Variants in BCAS3 observed in about 807,000 individuals in gnomAD.
The protein encoded by BCAS3 is BCAS3 microtubule associated cell migration factor, also known as BCAS4/BCAS3 fusion.
BCAS3 carries 53 observed loss-of-function variants against 116.1 expected under a neutral mutation model. That is an observed-to-expected ratio of 0.46 (90% CI 0.37 to 0.57). The LOEUF is 0.57. Among genes scored for constraint, BCAS3 ranks in the 20% least tolerant of loss-of-function variants. BCAS3 has a pLI of 0.00. For synonymous variants in BCAS3, 391 were observed against 408.2 expected (o/e 0.96, Z 0.51); for missense variants, 917 against 1,165.4 (o/e 0.79, Z 3.10).
chr17:61,250,155 T>C (rs1237573805), intron 22 of BCAS3, among the ~76,000 whole-genome samples: 2 of 152,174 alleles, frequency 1.3e-5, no homozygotes, highest in Non-Finnish European at 2.9e-5. Flanking sequence ...GCCTTCATAA[T>C]TGTCTGCATA....
chr17:60,770,788 A>G (rs1407854801), intron 6 of BCAS3, among the ~76,000 whole-genome samples: 2 of 146,304 alleles, frequency 1.4e-5, no homozygotes, highest in Non-Finnish European at 3.0e-5. Context: ...GAGGAGGTGC[A>G]TACTATCTGC....
chr17:61,116,283 T>A (rs1003200137), intron 22 of BCAS3, among the ~76,000 whole-genome samples: 10 of 151,706 alleles, frequency 6.6e-5, no homozygotes, highest in Non-Finnish European at 1.3e-4. Context: ...TAAAATAAAA[T>A]AAAAATTATG....
At chr17:60,899,728 C>T (rs557053144) in intron 10 of BCAS3, among the ~76,000 whole-genome samples, 1 of 152,090 alleles carries the variant, frequency 6.6e-6, no homozygotes, top group East Asian at 1.9e-4. Context: ...TAACTCCTGA[C>T]CTTGTGATCT....
At chr17:60,881,117 G>A (rs1255236278) in intron 9 of BCAS3, among the ~76,000 whole-genome samples, 1 of 152,130 alleles carries the variant, frequency 6.6e-6, no homozygotes, top group Non-Finnish European at 1.5e-5. Context: ...TGGGACTACA[G>A]GCGCCCGCCA....
chr17:61,250,088 G>A (rs535573290), intron 22 of BCAS3, among the ~76,000 whole-genome samples: 30 of 152,150 alleles, frequency 2.0e-4, no homozygotes, highest in Non-Finnish European at 4.1e-4. Flanking sequence ...CCTTGCCCTG[G>A]GTTTGTCTGG....
chr17:61,044,225 A>G (rs948525535), intron 19 of BCAS3, among the ~76,000 whole-genome samples: 1 of 151,888 alleles, frequency 6.6e-6, no homozygotes, highest in Non-Finnish European at 1.5e-5. Context: ...AGGCCGGCAG[A>G]TCACGAGTTC....
intron 22 of BCAS3, among the ~76,000 whole-genome samples, chr17:61,247,975 A>G (rs977623951): frequency 1.3e-5 from 2 of 152,220 alleles, no homozygotes; most frequent in African/African-American, 4.8e-5. Context: ...AGGCTGTCAC[A>G]TTGGAACTTT....
intron 22 of BCAS3, among the ~76,000 whole-genome samples, chr17:61,108,485 C>G (rs2074821264): frequency 6.6e-6 from 1 of 151,530 alleles, no homozygotes; most frequent in Non-Finnish European, 1.5e-5. Context: ...TATTTGATCT[C>G]TGCTTTTTCT....
intron 10 of BCAS3, among the ~76,000 whole-genome samples, chr17:60,901,121 G>T (rs2057864258): frequency 6.6e-6 from 1 of 151,738 alleles, no homozygotes; most frequent in Non-Finnish European, 1.5e-5. Flanking sequence ...CGAGGCGGGA[G>T]AATTACCTGA....
rs1174726346 is a variant in BCAS3, at chr17:60,960,510, A to G, written c.1221+13158A>G. Among the ~76,000 whole-genome samples the G allele has an allele frequency of 2.0e-5, 3 of 152,244 alleles. No homozygotes were observed. The highest frequency in any genetic ancestry group is 1.3e-4 in the Admixed American group (2 of 15,286). ...GTTTCAAACATGTTTAAAATCTAGC[A>G]GGGCAAATTCCATTGTGTTTCAAGG... On this transcript the variant is annotated intron_variant, in intron 14 of 23. Coordinates refer to ENST00000407086, the MANE Select transcript of BCAS3 (RefSeq NM_017679.5). This position sits in a 1 kb window ranked among gnomAD's most constrained non-coding sequence, Gnocchi z 4.1.
In BCAS3 at chr17:61,196,730, A is replaced by G. The variant is rs1007438963; in HGVS notation, c.2425+112166A>G. Among the ~76,000 whole-genome samples, 1 of 152,376 alleles carries G rather than the reference A, an allele frequency of 6.6e-6. No homozygotes were observed. The highest frequency in any genetic ancestry group is 6.5e-5 in the Admixed American group (1 of 15,306). ...ATCAAATAAGTGAAGACTTTCTGAG[A>G]CGGAAGGCTTGCATTTATCGGCATT... is the stretch of plus-strand genomic sequence containing the variant. On this transcript the variant is annotated intron_variant, in intron 22 of 23. Coordinates refer to ENST00000407086, the MANE Select transcript of BCAS3 (RefSeq NM_017679.5). This position sits in a 1 kb window ranked among gnomAD's most constrained non-coding sequence, Gnocchi z 4.7.
chr17:61,166,389 CTCTTT>C (rs1335005308), intron 22 of BCAS3, among the ~76,000 whole-genome samples: 9 of 23,290 alleles, frequency 3.9e-4, no homozygotes, highest in Non-Finnish European at 7.6e-4. Context: ...CTCTCTCTCT[CTCTTT>C]TTTTTTTTTT....
At chr17:61,006,796 G>A (rs962380714) in intron 15 of BCAS3, among the ~76,000 whole-genome samples, 5 of 151,926 alleles carry the variant, frequency 3.3e-5, no homozygotes, top group African/African-American at 1.2e-4. Context: ...TGAGGCTTAA[G>A]GTCAAAGATC....
At chr17:60,986,551 A>T (rs1388115073) in intron 14 of BCAS3, among the ~76,000 whole-genome samples, 2 of 151,990 alleles carry the variant, frequency 1.3e-5, no homozygotes, top group Non-Finnish European at 2.9e-5. Context: ...CTTGAGGGAG[A>T]TGATATCTCA....
intron 19 of BCAS3, among the ~76,000 whole-genome samples, chr17:61,052,812 G>A (rs1313144098): frequency 2.7e-5 from 4 of 146,744 alleles, no homozygotes; most frequent in Non-Finnish European, 1.5e-5. Flanking sequence ...TCTGCCTCCC[G>A]GATCAAGTGA....
Position 61,088,574 on chromosome 17 carries a change from A to G in BCAS3, c.2425+4010A>G, listed in dbSNP as rs962735163. ...AGAGAAAGCAGAAAGACAGCTGTCA[A>G]TGTCTTGTTGGAACTTTGTTTTCCA... is the stretch of plus-strand genomic sequence containing the variant. On this transcript the variant is annotated intron_variant, in intron 22 of 23. Transcript: ENST00000407086. The surrounding 1 kb of genome is among the most constrained non-coding windows in gnomAD (Gnocchi z 4.2). Among the ~76,000 whole-genome samples the G allele has an allele frequency of 2.6e-5, 4 of 152,220 alleles. No individual in the cohort carries two copies. Among genetic ancestry groups the G allele is most frequent in the Non-Finnish European group, 4.4e-5 (3 of 68,034 alleles).
At position 60,994,312 on chromosome 17, in the gene BCAS3, A is replaced by G. The variant is rs780513719; in HGVS notation, c.1486+4077A>G. ...ACATTACTATAACACTTTATTTTTAATATATTGATAACTGTACTTCAGTAT... is the reference window on the plus strand; with the variant it reads ...ACATTACTATAACACTTTATTTTTAGTATATTGATAACTGTACTTCAGTAT... On this transcript the variant is annotated intron_variant, in intron 15 of 23. Transcript: ENST00000407086. The surrounding 1 kb of genome is among the most constrained non-coding windows in gnomAD (Gnocchi z 4.4). 6.6e-6 allele frequency among the ~76,000 whole-genome samples: 1 copy of G among 151,908 alleles called. No homozygotes were observed. The highest frequency in any genetic ancestry group is 1.5e-5 in the Non-Finnish European group (1 of 67,932).
chr17:60,720,370 C>G (rs2144088545), intron 5 of BCAS3: 1 of 152,282 alleles, frequency 6.6e-6, no homozygotes, highest in Admixed American at 6.5e-5. Context: ...CTCTTGAGCT[C>G]AAGTGATCCT....
At position 61,285,638 on chromosome 17, in the gene BCAS3, A is replaced by G. The variant is rs1317342378; in HGVS notation, c.2426-82689A>G. ...ATGTACTTCTAATTGGCTTTGATTA[A>G]GTGCAAATTAGAATCACACTTCACT... On this transcript the variant is annotated intron_variant, in intron 22 of 23. Coordinates refer to ENST00000407086, the MANE Select transcript of BCAS3 (RefSeq NM_017679.5). The surrounding 1 kb of genome is among the most constrained non-coding windows in gnomAD (Gnocchi z 5.4). 6.6e-6 allele frequency among the ~76,000 whole-genome samples: 1 copy of G among 152,228 alleles called. No homozygotes were observed. The highest frequency in any genetic ancestry group is 2.4e-5 in the African/African-American group (1 of 41,454).
Sources: gnomAD v4.1 joint callset for allele counts (sites outside exome capture counted in the v4.1 genomes callset) on GRCh38, gnomAD v4.1.1 for gene constraint, Gnocchi (gnomAD v3.1) non-coding constraint, MANE v1.5 for transcripts, NCBI Gene and HGNC (gene_info 2026-07-23, HGNC 2026-07-21) for gene names.